The following PRKCA variants were observed in gnomAD, a reference collection of about 807,000 sequenced individuals.
PRKCA encodes the protein protein kinase C alpha type.
A neutral mutation model predicts 87.0 loss-of-function variants in PRKCA; 27 were observed. The ratio of observed to expected loss-of-function variants is 0.31; its 90% CI spans 0.23 to 0.43. The LOEUF (loss-of-function observed/expected upper bound fraction) is 0.43, where lower values mean the gene tolerates loss of function less well. Ranked by LOEUF, PRKCA falls within the 20% of genes least tolerant of loss-of-function variation. PRKCA has a pLI of 1.00. For missense variants in PRKCA, 518 were observed against 852.3 expected, an observed-to-expected ratio of 0.61 and a Z score of 4.88; for synonymous variants, 329 against 311.1, an observed-to-expected ratio of 1.06 and a Z score of -0.61.
intron 13 of PRKCA, among the ~76,000 whole-genome samples, chr17:66,747,215 A>T (rs1974312956): frequency 6.6e-6 from 1 of 152,118 alleles, no homozygotes; most frequent in East Asian, 1.9e-4. Context: ...GACTACAGGC[A>T]TGTGCCACCA....
At chr17:66,654,913 G>A (rs578070856) in intron 5 of PRKCA, among the ~76,000 whole-genome samples, 24 of 152,334 alleles carry the variant, frequency 1.6e-4, no homozygotes, top group African/African-American at 3.8e-4. Context: ...TGTGAGTTGC[G>A]TGGGCATGTG....
chr17:66,703,845 T>C (rs1255835542), intron 8 of PRKCA: 1 of 151,968 alleles, frequency 6.6e-6, no homozygotes, highest in African/African-American at 2.4e-5. Context: ...AATAAAAATA[T>C]AGTATAGTGA....
chr17:66,504,874 T>C (rs1916903324), intron 3 of PRKCA, among the ~76,000 whole-genome samples: 2 of 152,146 alleles, frequency 1.3e-5, no homozygotes, highest in African/African-American at 4.8e-5. Context: ...TCAGGTGACA[T>C]ATTTGCCAGT....
chr17:66,342,777 A>T (rs1419082762), intron 2 of PRKCA, among the ~76,000 whole-genome samples: 1 of 152,228 alleles, frequency 6.6e-6, no homozygotes, highest in Admixed American at 6.5e-5. Flanking sequence ...AAATATTTTC[A>T]CCATCTCTTA....
intron 1 of PRKCA, 68 bp downstream of exon 1, chr17:66,303,092 G>T: frequency 6.4e-7 from 1 of 1,568,260 alleles, no homozygotes; most frequent in Non-Finnish European, 8.6e-7. Context: ...CCGGCGCTCC[G>T]GCGCGTCCGC....
chr17:66,370,549 CTTTTTTTTTTTTT>C (rs555797425), intron 2 of PRKCA, among the ~76,000 whole-genome samples: 1 of 113,672 alleles, frequency 8.8e-6, no homozygotes, highest in African/African-American at 3.5e-5. Flanking sequence ...CTTTTCTTTT[CTTTTTTTTTTTTT>C]TTTTTTTGAG....
intron 5 of PRKCA, among the ~76,000 whole-genome samples, chr17:66,656,124 G>A (rs902090689): frequency 1.6e-4 from 24 of 152,152 alleles, no homozygotes; most frequent in African/African-American, 5.1e-4. Context: ...CAGCAAGATT[G>A]GAACAAGGGG....
At chr17:66,578,591 C>T (rs561120487) in intron 3 of PRKCA, among the ~76,000 whole-genome samples, 2 of 152,310 alleles carry the variant, frequency 1.3e-5, no homozygotes, top group African/African-American at 4.8e-5. Context: ...ACCACCCCCT[C>T]CTCTGAGTGA....
chr17:66,406,819 G>A (rs2143718083), intron 2 of PRKCA, among the ~76,000 whole-genome samples: 1 of 152,118 alleles, frequency 6.6e-6, no homozygotes, highest in Admixed American at 6.5e-5. Flanking sequence ...TGCCAGGTGA[G>A]AGAGGGATGT....
At chr17:66,688,514 C>A in intron 7 of PRKCA, 78 bp downstream of exon 7, 1 of 1,567,868 alleles carries the variant, frequency 6.4e-7, no homozygotes, top group South Asian at 1.2e-5. Context: ...TCTCAAATGT[C>A]AGTTGAGGCT....
intron 16 of PRKCA, chr17:66,796,982 G>C (rs1346311006): frequency 1.0e-6 from 1 of 984,744 alleles, no homozygotes; most frequent in South Asian, 4.7e-5. Context: ...CTTCTTCTGG[G>C]TTTTGTTTGG....
chr17:66,608,096 C>T lies in PRKCA; in HGVS notation c.289-33259C>T, dbSNP rs78243962. ...CTGCTGGTCTTGGAATACATTGAAG[C>T]ACACCGATTGGAGCACACCGACTGA... On this transcript the variant is annotated intron_variant, in intron 3 of 16. Transcript: ENST00000413366. 1.1e-3 allele frequency among the ~76,000 whole-genome samples: 171 copies of T among 152,198 alleles called. 2 individuals carry two copies. The East Asian group carries it at 0.031, about 28-fold the overall frequency.
intron 5 of PRKCA, among the ~76,000 whole-genome samples, chr17:66,670,922 A>G (rs532318775): frequency 6.6e-6 from 1 of 152,078 alleles, no homozygotes; most frequent in Non-Finnish European, 1.5e-5. Flanking sequence ...GTATAGTAAA[A>G]GAGTGAAGGC....
intron 3 of PRKCA, among the ~76,000 whole-genome samples, chr17:66,608,626 T>C (rs1307376133): frequency 6.6e-6 from 1 of 152,132 alleles, no homozygotes. Context: ...CCTGACTCTT[T>C]AGGAAGAAAA....
intron 3 of PRKCA, among the ~76,000 whole-genome samples, chr17:66,624,980 C>T (rs1313339384): frequency 6.6e-6 from 1 of 152,120 alleles, no homozygotes; most frequent in Admixed American, 6.5e-5. Flanking sequence ...TAAAATACTT[C>T]CCTCATTGCA....
At position 66,807,814 on chromosome 17, in the gene PRKCA, A is replaced by C. The variant is rs1976066685; in HGVS notation, c.*3777A>C. ...GAGAGCCCCCCCAACGGACGTGCTG[A>C]GAAGGGAGAGGGAGGCGGGGGCTGT... On this transcript the variant is annotated 3_prime_UTR_variant, in exon 17 of 17. Coordinates refer to ENST00000413366, the MANE Select transcript of PRKCA (RefSeq NM_002737.3). The surrounding 1 kb of genome is among the most constrained non-coding windows in gnomAD (Gnocchi z 4.3). 1 of 152,272 alleles carries C rather than the reference A, an allele frequency of 6.6e-6. No homozygotes were observed. Among genetic ancestry groups the C allele is most frequent in the African/African-American group, 2.4e-5 (1 of 41,426 alleles). The allele number at this position is 152,272 out of a possible 1,614,324, so 9.4% of individuals were successfully genotyped here.
intron 2 of PRKCA, among the ~76,000 whole-genome samples, chr17:66,424,866 C>T (rs912022636): frequency 2.6e-5 from 4 of 151,970 alleles, no homozygotes; most frequent in Non-Finnish European, 4.4e-5. Flanking sequence ...TCTCCCGCCT[C>T]AGCCTCCCGA....
intron 2 of PRKCA, among the ~76,000 whole-genome samples, chr17:66,412,001 CTTT>C (rs34558353): frequency 4.4e-5 from 6 of 136,022 alleles, no homozygotes; most frequent in Admixed American, 1.4e-4. Flanking sequence ...GAAAAAAAAT[CTTT>C]TTTTTTTTTT....
intron 2 of PRKCA, among the ~76,000 whole-genome samples, chr17:66,329,624 T>G (rs904568881): frequency 6.6e-6 from 1 of 152,042 alleles, no homozygotes; most frequent in African/African-American, 2.4e-5. Context: ...GGAGCTGTGG[T>G]GTTAGGAAAG....
Sources: allele counts gnomAD v4.1 joint callset (sites outside exome capture counted in the v4.1 genomes callset), GRCh38; gene constraint gnomAD v4.1.1; non-coding constraint Gnocchi (gnomAD v3.1); transcripts MANE v1.5; gene names NCBI Gene and HGNC (gene_info 2026-07-23, HGNC 2026-07-21).